GABRG3: variants seen among roughly 807,000 people sequenced by gnomAD.
GABRG3 encodes the protein gamma-aminobutyric acid type A receptor subunit gamma3, also known as gamma-aminobutyric acid receptor subunit gamma-3.
In GABRG3, 25 loss-of-function variants were observed where a neutral mutation model predicts 48.8. That is an observed-to-expected ratio of 0.51 (90% CI 0.37 to 0.72). The LOEUF is 0.72. GABRG3 is among the 30% of genes least tolerant of loss of function. GABRG3 has a pLI of 0.00. For synonymous variants in GABRG3, 227 were observed against 217.6 expected (o/e 1.04, Z -0.38); for missense variants, 394 against 577.9 (o/e 0.68, Z 3.26).
chr15:27,529,543 T>A (rs1891367436), intron 9 of GABRG3, among the ~76,000 whole-genome samples: 1 of 152,194 alleles, frequency 6.6e-6, no homozygotes, highest in Non-Finnish European at 1.5e-5. Context: ...GGACCTCATA[T>A]GCAGCGCACT....
intron 6 of GABRG3, among the ~76,000 whole-genome samples, chr15:27,518,176 C>T (rs1418482477): frequency 2.5e-4 from 35 of 139,152 alleles, no homozygotes; most frequent in Admixed American, 2.5e-3. Flanking sequence ...CATGTGAAAC[C>T]CCAACTCTAC....
intron 5 of GABRG3, among the ~76,000 whole-genome samples, chr15:27,480,012 G>A (rs776147276): frequency 2.6e-5 from 4 of 152,348 alleles, no homozygotes; most frequent in East Asian, 3.9e-4. Context: ...CCGCAGGAGC[G>A]GGACAGAGCA....
chr15:27,254,496 T>C (rs1414388389), intron 3 of GABRG3, among the ~76,000 whole-genome samples: 1 of 152,106 alleles, frequency 6.6e-6, no homozygotes, highest in Non-Finnish European at 1.5e-5. Context: ...AAATGGGGTA[T>C]CTTATACACA....
chr15:27,183,642 T>G (rs934579719), intron 3 of GABRG3, among the ~76,000 whole-genome samples: 3 of 152,222 alleles, frequency 2.0e-5, no homozygotes, highest in African/African-American at 7.2e-5. Context: ...TCAGAAGTAA[T>G]GCACAAGCAT....
Position 27,536,340 on chromosome 15 carries a change from C to G in GABRG3, c.*3459C>G, listed in dbSNP as rs1424119370. The G allele has an allele frequency of 6.6e-6, 1 of 152,146 alleles. No individual in the cohort carries two copies. Among genetic ancestry groups the G allele is most frequent in the East Asian group, 1.9e-4 (1 of 5,194 alleles). The allele number at this position is 152,146 out of a possible 1,614,324, so 9.4% of individuals were successfully genotyped here. A position where few individuals can be genotyped will look rare whatever the true frequency, so the allele number is the denominator to read the frequency against. On this transcript the variant is annotated 3_prime_UTR_variant, in exon 10 of 10. Transcript: ENST00000615808. ...TTAGTATAATTTACTCTGGACCCAG[C>G]CAATACTGCCCCCAATTTACCCAAA...
chr15:27,305,505 CAT>C (rs1314119864), intron 3 of GABRG3, among the ~76,000 whole-genome samples: 2 of 144,868 alleles, frequency 1.4e-5, no homozygotes, highest in African/African-American at 5.0e-5. Context: ...TATATATAAA[CAT>C]ATATAAACAT....
chr15:27,257,405 C>T (rs1456207032), intron 3 of GABRG3, among the ~76,000 whole-genome samples: 3 of 151,980 alleles, frequency 2.0e-5, no homozygotes, highest in Non-Finnish European at 2.9e-5. Context: ...TCTGGTTTTG[C>T]CTTTATTGTC....
intron 2 of GABRG3, among the ~76,000 whole-genome samples, chr15:26,984,738 AG>A (rs1895120500): frequency 6.6e-6 from 1 of 152,090 alleles, no homozygotes; most frequent in African/African-American, 2.4e-5. Context: ...CACTTCCTTC[AG>A]GGTTTCAAGA....
At chr15:27,399,174 G>C (rs1368238751) in intron 5 of GABRG3, among the ~76,000 whole-genome samples, 1 of 152,184 alleles carries the variant, frequency 6.6e-6, no homozygotes, top group African/African-American at 2.4e-5. Context: ...TAAAATTATA[G>C]TAAGTTGATT....
intron 3 of GABRG3, among the ~76,000 whole-genome samples, chr15:27,088,245 C>CGGGGCGGGCACGGGGGCGGGCGCG (rs1555402695): frequency 5.6e-5 from 6 of 107,876 alleles, no homozygotes; most frequent in African/African-American, 2.2e-4. Flanking sequence ...TGGGAGTGCT[C>CGGGGCGGGCACGGGGGCGGGCGCG]GGGGCGGGCG....
intron 3 of GABRG3, among the ~76,000 whole-genome samples, chr15:27,216,740 T>TTATTTA (rs1555410272): frequency 7.9e-6 from 1 of 127,184 alleles, no homozygotes. Flanking sequence ...TTTCTTTTTT[T>TTATTTA]TTTTTTATTT....
Position 27,307,949 on chromosome 15 carries a change from G to T in GABRG3, c.271-18860G>T, listed in dbSNP as rs533217624. On this transcript the variant is annotated intron_variant, in intron 3 of 9. Transcript: ENST00000615808. ...CATATGCTTGTATATAAACATATAT[G>T]TAAAATAAACATGTTTATATATAAA... Among the ~76,000 whole-genome samples the T allele has an allele frequency of 1.3e-3, 166 of 129,760 alleles. 3 individuals are homozygous for T. Among genetic ancestry groups the T allele is most frequent in the African/African-American group, 4.6e-3 (157 of 34,456 alleles). 85.1% of individuals were successfully genotyped at this position (129,760 alleles called of 152,430 possible).
chr15:27,016,922 C>G (rs913498622), intron 2 of GABRG3, among the ~76,000 whole-genome samples: 12 of 152,176 alleles, frequency 7.9e-5, no homozygotes, highest in African/African-American at 2.7e-4. Context: ...GTATTCCTCA[C>G]TCCAAGTAGT....
chr15:27,313,256 GTGTGTGTATATATATATATA>G (rs1334277285), intron 3 of GABRG3, among the ~76,000 whole-genome samples: 10 of 57,464 alleles, frequency 1.7e-4, no homozygotes, highest in African/African-American at 7.8e-4. Context: ...GTGTGTGTGT[GTGTGTGTATATATATATATA>G]TATATATATA....
intron 5 of GABRG3, among the ~76,000 whole-genome samples, chr15:27,367,983 C>G (rs1019632141): frequency 6.6e-6 from 1 of 152,146 alleles, no homozygotes; most frequent in Non-Finnish European, 1.5e-5. Flanking sequence ...TCTAAGCATG[C>G]TGTTCTTATC....
At chr15:27,255,696 C>A (rs1161408984) in intron 3 of GABRG3, among the ~76,000 whole-genome samples, 4 of 152,162 alleles carry the variant, frequency 2.6e-5, no homozygotes, top group Non-Finnish European at 5.9e-5. Context: ...ATGCATCCTC[C>A]CAGACCTTGG....
At chr15:27,421,327 G>A (rs1016647056) in intron 5 of GABRG3, among the ~76,000 whole-genome samples, 2 of 152,202 alleles carry the variant, frequency 1.3e-5, no homozygotes, top group African/African-American at 2.4e-5. Flanking sequence ...TCCATCATTC[G>A]AAAACACTGT....
At chr15:27,114,910 G>A (rs980802602) in intron 3 of GABRG3, among the ~76,000 whole-genome samples, 1 of 151,948 alleles carries the variant, frequency 6.6e-6, no homozygotes, top group Non-Finnish European at 1.5e-5. Context: ...GCATTTGCAG[G>A]TTTCATTGCA....
chr15:27,474,533 C>T (rs1425952369), intron 5 of GABRG3, among the ~76,000 whole-genome samples: 1 of 152,122 alleles, frequency 6.6e-6, no homozygotes, highest in Non-Finnish European at 1.5e-5. Context: ...CCCCTGCAAG[C>T]AAGGGCTCTG....
Sources: allele counts gnomAD v4.1 joint callset (sites outside exome capture counted in the v4.1 genomes callset), GRCh38; gene constraint gnomAD v4.1.1; transcripts MANE v1.5; gene names NCBI Gene and HGNC (gene_info 2026-07-23, HGNC 2026-07-21).